LAMTOR4: variants seen among roughly 807,000 people sequenced by gnomAD.
LAMTOR4 encodes the protein late endosomal/lysosomal adaptor, MAPK and MTOR activator 4.
A neutral mutation model predicts 13.5 loss-of-function variants in LAMTOR4; 11 were observed. That is an observed-to-expected ratio of 0.82 (90% CI 0.51 to 1.35). The LOEUF is 1.35. Ranked by LOEUF, LAMTOR4 falls within the 40% of genes most tolerant of loss-of-function variation. LAMTOR4 has a pLI of 0.00. For synonymous variants in LAMTOR4, 69 were observed against 52.3 expected (o/e 1.32, Z -1.38); for missense variants, 128 against 126.2 (o/e 1.01, Z -0.07).
chr7:100,151,854 G>A (rs1294450460), intron 2 of LAMTOR4, among the ~76,000 whole-genome samples: 1 of 131,120 alleles, frequency 7.6e-6, no homozygotes, highest in Admixed American at 7.8e-5. Context: ...GCACCACCAC[G>A]CCCAGCCATT....
intron 2 of LAMTOR4, among the ~76,000 whole-genome samples, chr7:100,153,150 GAA>G (rs371476464): frequency 2.6e-5 from 3 of 114,548 alleles, no homozygotes; most frequent in Non-Finnish European, 5.7e-5. Context: ...TCTCAAAAAA[GAA>G]AAAAAAAAAA....
At chr7:100,149,657 C>G in intron 2 of LAMTOR4, 78 bp downstream of exon 2, 1 of 1,097,132 alleles carries the variant, frequency 9.1e-7, no homozygotes, top group South Asian at 1.3e-5. Flanking sequence ...CTTCTTTTCT[C>G]GGCTTTTATC....
rs768098494 is a variant in LAMTOR4 at position 100,153,665 on chromosome 7, G to A, written c.202+148G>A. ...CTCCCTTTGGGACTCCCTGGTATCA[G>A]AATTGTGAATGAGAAGGCAAGAGAA... On this transcript the variant is annotated intron_variant, in intron 3 of 3. Coordinates refer to ENST00000341942, the MANE Select transcript of LAMTOR4 (RefSeq NM_001008395.4). The A allele has an allele frequency of 8.4e-5, 66 of 782,430 alleles. 1 individual carries two copies. Among genetic ancestry groups the A allele is most frequent in the South Asian group, 8.3e-4 (60 of 71,934 alleles). The allele number at this position is 782,430 out of a possible 1,614,324, so 48.5% of individuals were successfully genotyped here.
chr7:100,154,178 A>G lies in LAMTOR4; in HGVS notation c.*214A>G. ...CTCCCTTTGTGCTCCCTCACTCCCT[A>G]ATAAACATGAGTCTGATGTTCTCCA... On this transcript the variant is annotated 3_prime_UTR_variant, in exon 4 of 4. Coordinates refer to ENST00000341942, the MANE Select transcript of LAMTOR4 (RefSeq NM_001008395.4). 1.8e-6 allele frequency: 1 copy of G among 549,584 alleles called. No individual in the cohort carries two copies. The highest frequency in any genetic ancestry group is 1.9e-5 in the African/African-American group (1 of 52,898). 34.0% of individuals were successfully genotyped at this position (549,584 alleles called of 1,614,324 possible).
intron 1 of LAMTOR4, 59 bp downstream of exon 1, chr7:100,149,034 G>T: frequency 6.3e-7 from 1 of 1,584,152 alleles, no homozygotes; most frequent in African/African-American, 1.3e-5. Context: ...CTGCTCCCCA[G>T]TCTGTGTGGT....
chr7:100,150,611 A>G (rs1229399743), intron 2 of LAMTOR4, among the ~76,000 whole-genome samples: 1 of 152,182 alleles, frequency 6.6e-6, no homozygotes, highest in East Asian at 1.9e-4. Flanking sequence ...AGGTTTTTTA[A>G]AACAGAAACA....
At chr7:100,151,821 C>G (rs1227288350) in intron 2 of LAMTOR4, among the ~76,000 whole-genome samples, 4 of 151,336 alleles carry the variant, frequency 2.6e-5, no homozygotes, top group Non-Finnish European at 5.9e-5. Context: ...CTCAGCATCC[C>G]AAGTAACTAG....
At chr7:100,149,016 C>T in intron 1 of LAMTOR4, 41 bp downstream of exon 1, 2 of 1,600,768 alleles carry the variant, frequency 1.2e-6, no homozygotes, top group Non-Finnish European at 8.5e-7. Context: ...GCCGGGGGTT[C>T]AGCGTCTCTG....
chr7:100,150,831 AAAAC>A (rs780209307), intron 2 of LAMTOR4, among the ~76,000 whole-genome samples: 3 of 151,872 alleles, frequency 2.0e-5, no homozygotes, highest in African/African-American at 4.8e-5. Context: ...TAAAAATACA[AAAAC>A]AAAATTAGCC....
chr7:100,150,760 C>T (rs750385288), intron 2 of LAMTOR4, among the ~76,000 whole-genome samples: 20 of 151,690 alleles, frequency 1.3e-4, no homozygotes, highest in Non-Finnish European at 2.2e-4. Flanking sequence ...CCAAGGCGGG[C>T]GGATCACGAG....
Position 100,149,067 on chromosome 7 carries a change from C to T in LAMTOR4, c.3+92C>T, listed in dbSNP as rs1798615617. On this transcript the variant is annotated intron_variant, in intron 1 of 3. Transcript: ENST00000341942. ...GGTTTCCCCCTGGTGGGCCTGCGCT[C>T]CACCCTCACCTCCTATCCGCTCGGG... The T allele has an allele frequency of 2.7e-6, 4 of 1,472,662 alleles. No homozygotes were observed. The Admixed American group carries it at 7.7e-5, about 28-fold the overall frequency. The allele number at this position is 1,472,662 out of a possible 1,614,324, so 91.2% of individuals were successfully genotyped here.
rs1320341213 is a variant in LAMTOR4, at chr7:100,151,623, C to T, written c.85-1777C>T. On this transcript the variant is annotated intron_variant, in intron 2 of 3. Coordinates refer to ENST00000341942, the MANE Select transcript of LAMTOR4 (RefSeq NM_001008395.4). ...CAGGATGGTCTGGATCTCCTGACCT[C>T]GTGATCCGCCTACCTCGGCCTCCCA... Among the ~76,000 whole-genome samples the T allele has an allele frequency of 2.6e-5, 4 of 151,426 alleles. 2 individuals carry two copies. The South Asian group carries it at 8.4e-4, about 32-fold the overall frequency.
Position 100,149,552 on chromosome 7 carries a change from G to C in LAMTOR4, c.57G>C (p.Leu19=). ...GAATCCCAGACCAGCTCGGCTACCT[G>C]GTACTGAGTGAAGGTGCAGTGCTGG... ...LERIPDQLGY[L]VLSEGAVLAS... is the part of the protein sequence containing the mutation. The change falls in exon 2 of 4, where the codon CTG becomes CTC. Residue 19 remains leucine, a synonymous_variant. Transcript: ENST00000341942. 1 of 1,613,994 alleles carries C rather than the reference G, an allele frequency of 6.2e-7. No homozygotes were observed.
intron 2 of LAMTOR4, chr7:100,152,603 A>C (rs958215045): frequency 6.6e-6 from 1 of 152,256 alleles, no homozygotes; most frequent in Non-Finnish European, 1.5e-5. Context: ...AAGTTGAGAC[A>C]GTCACCAGAA....
intron 1 of LAMTOR4, 146 bp from the exon 2 acceptor site, chr7:100,149,353 G>T (rs767159702): frequency 8.9e-5 from 62 of 699,470 alleles, no homozygotes; most frequent in South Asian, 1.6e-4. Flanking sequence ...GACCATGTAG[G>T]GGGGAGGGGG....
chr7:100,150,812 C>T (rs1403040905), intron 2 of LAMTOR4, among the ~76,000 whole-genome samples: 2 of 151,688 alleles, frequency 1.3e-5, no homozygotes, highest in Admixed American at 6.6e-5. Context: ...GGTGAAACCC[C>T]GTCTGTACTA....
At position 100,153,990 on chromosome 7, in the gene LAMTOR4, A is replaced by G; in HGVS notation, c.*26A>G. Reference sequence around the variant, plus strand: ...GCCTGCCGGAGGGCGAGGGTCGGAGAAGCGGATTGGGTCCTGGGCCTCTGT... The same window carrying G: ...GCCTGCCGGAGGGCGAGGGTCGGAGGAGCGGATTGGGTCCTGGGCCTCTGT... On this transcript the variant is annotated 3_prime_UTR_variant, in exon 4 of 4. Coordinates refer to ENST00000341942, the MANE Select transcript of LAMTOR4 (RefSeq NM_001008395.4). 1 of 1,541,268 alleles carries G rather than the reference A, an allele frequency of 6.5e-7. No homozygotes were observed. Among genetic ancestry groups the G allele is most frequent in the Non-Finnish European group, 8.8e-7 (1 of 1,134,216 alleles).
chr7:100,150,465 G>A (rs1203832952), intron 2 of LAMTOR4, among the ~76,000 whole-genome samples: 1 of 152,194 alleles, frequency 6.6e-6, no homozygotes, highest in East Asian at 1.9e-4. Context: ...TGAACTGATG[G>A]TAAGTTTATG....
At position 100,149,595 on chromosome 7, in the gene LAMTOR4, G is replaced by A; in HGVS notation, c.84+16G>A. 5.0e-6 allele frequency: 8 copies of A among 1,608,322 alleles called. No individual in the cohort carries two copies. The highest frequency in any genetic ancestry group is 6.8e-6 in the Non-Finnish European group (8 of 1,174,862). ...AGTGCTGGCGGTGCGTTCTGGGAAA[G>A]GGAGGGGGTCCCTTAGTGCACACAG... On this transcript the variant is annotated intron_variant, in intron 2 of 3. Coordinates refer to ENST00000341942, the MANE Select transcript of LAMTOR4 (RefSeq NM_001008395.4).
Sources: allele counts gnomAD v4.1 joint callset (sites outside exome capture counted in the v4.1 genomes callset), GRCh38; gene constraint gnomAD v4.1.1; transcripts MANE v1.5; gene names NCBI Gene and HGNC (gene_info 2026-07-23, HGNC 2026-07-21).